The following RNF180 variants were observed in gnomAD, a reference collection of about 807,000 sequenced individuals.
RNF180 encodes E3 ubiquitin-protein ligase RNF180.
Under a neutral mutation model 59.2 loss-of-function variants are expected in RNF180, and 38 were observed. The observed-to-expected ratio is 0.64, with a 90% CI of 0.50 to 0.84. The LOEUF (loss-of-function observed/expected upper bound fraction) is 0.84, where lower values mean the gene tolerates loss of function less well. Among genes scored for constraint, RNF180 ranks in the 40% least tolerant of loss-of-function variants. The probability of loss-of-function intolerance (pLI) is 0.00; values close to 1 mark genes in which losing one functional copy is unlikely to be tolerated. For missense variants in RNF180, 705 were observed against 700.9 expected (o/e 1.01, Z -0.07); for synonymous variants, 262 against 240.3 (o/e 1.09, Z -0.84).
At chr5:64,353,994 T>G (rs1002254682) in intron 7 of RNF180, among the ~76,000 whole-genome samples, 3 of 151,550 alleles carry the variant, frequency 2.0e-5, no homozygotes, top group Non-Finnish European at 3.0e-5. Context: ...AAAGGGAATT[T>G]TATAGCAGTA....
intron 5 of RNF180, among the ~76,000 whole-genome samples, chr5:64,322,098 G>A (rs1413335591): frequency 1.3e-5 from 2 of 152,130 alleles, no homozygotes; most frequent in Non-Finnish European, 2.9e-5. Context: ...ATAGGCATGG[G>A]CAAAGATTTA....
intron 6 of RNF180, among the ~76,000 whole-genome samples, chr5:64,326,517 G>A (rs1254759438): frequency 6.6e-6 from 1 of 152,086 alleles, no homozygotes; most frequent in Non-Finnish European, 1.5e-5. Flanking sequence ...CCATCAGGCT[G>A]CATATTCAGC....
At chr5:64,347,033 C>T (rs1164645440) in intron 7 of RNF180, among the ~76,000 whole-genome samples, 2 of 152,054 alleles carry the variant, frequency 1.3e-5, no homozygotes, top group Non-Finnish European at 1.5e-5. Context: ...TGCCTTATAC[C>T]GAAATAAAGT....
intron 1 of RNF180, among the ~76,000 whole-genome samples, chr5:64,168,425 G>C (rs939400151): frequency 3.3e-5 from 5 of 152,176 alleles, no homozygotes; most frequent in African/African-American, 1.2e-4. Context: ...TACTACAAAG[G>C]GGACAGTGCT....
At chr5:64,271,749 G>A (rs1741411808) in intron 5 of RNF180, among the ~76,000 whole-genome samples, 2 of 145,908 alleles carry the variant, frequency 1.4e-5, no homozygotes, top group African/African-American at 5.2e-5. Context: ...GCTTTTCTAG[G>A]AATTTTAGTT....
chr5:64,358,176 A>G (rs1413203472), intron 7 of RNF180, among the ~76,000 whole-genome samples: 2 of 151,838 alleles, frequency 1.3e-5, no homozygotes, highest in Non-Finnish European at 2.9e-5. Context: ...TTGGAACCCA[A>G]CCTAAAACAC....
intron 5 of RNF180, among the ~76,000 whole-genome samples, chr5:64,269,859 T>C (rs914994495): frequency 2.6e-5 from 4 of 152,168 alleles, no homozygotes; most frequent in Admixed American, 6.5e-5. Flanking sequence ...TTTAAAACTT[T>C]AGTTCGGAAC....
At chr5:64,234,340 C>A (rs1357089756) in intron 5 of RNF180, among the ~76,000 whole-genome samples, 1 of 151,858 alleles carries the variant, frequency 6.6e-6, no homozygotes, top group Non-Finnish European at 1.5e-5. Flanking sequence ...GTGGCATGTG[C>A]CTGTAGTCCC....
chr5:64,192,577 C>T (rs983617885), intron 1 of RNF180, among the ~76,000 whole-genome samples: 5 of 151,958 alleles, frequency 3.3e-5, no homozygotes, highest in African/African-American at 1.2e-4. Context: ...GAGGCTGAGG[C>T]AGGAGAATCA....
chr5:64,359,531 A>G (rs1365843206), intron 7 of RNF180, among the ~76,000 whole-genome samples: 1 of 151,974 alleles, frequency 6.6e-6, no homozygotes, highest in Non-Finnish European at 1.5e-5. Flanking sequence ...GATTCTGGAT[A>G]TTAGCCCTTT....
chr5:64,254,039 A>G (rs1262142662), intron 5 of RNF180, among the ~76,000 whole-genome samples: 1 of 152,244 alleles, frequency 6.6e-6, no homozygotes, highest in East Asian at 1.9e-4. Context: ...TCACCTAAAC[A>G]TTTGGATATC....
At chr5:64,309,162 A>G (rs1049314936) in intron 5 of RNF180, among the ~76,000 whole-genome samples, 1 of 151,730 alleles carries the variant, frequency 6.6e-6, no homozygotes, top group Non-Finnish European at 1.5e-5. Flanking sequence ...AAGGAATGTA[A>G]AAGGCCTAAA....
chr5:64,355,457 GATTT>G (rs977773766), intron 7 of RNF180, among the ~76,000 whole-genome samples: 7 of 152,044 alleles, frequency 4.6e-5, no homozygotes, highest in African/African-American at 9.6e-5. Context: ...TGCATTAGAA[GATTT>G]AATACTGTTA....
intron 2 of RNF180, among the ~76,000 whole-genome samples, chr5:64,206,822 C>A (rs1752041140): frequency 6.6e-6 from 1 of 152,148 alleles, no homozygotes; most frequent in East Asian, 1.9e-4. Context: ...AAGCAGCCAC[C>A]TGCAGGCTAG....
Position 64,325,555 on chromosome 5 carries a change from C to T in RNF180, c.1453+144C>T, listed in dbSNP as rs554054196. The T allele has an allele frequency of 1.6e-5, 10 of 645,064 alleles. No individual in the cohort carries two copies. In the East Asian group the frequency reaches 2.5e-4, roughly 16 times the overall value. The allele number at this position is 645,064 out of a possible 1,614,324, so 40.0% of individuals were successfully genotyped here. ...AGTTTATAAAACAGTACTTACCCAA[C>T]TCATAAAACTGTTAGAATCATAGAT... On this transcript the variant is annotated intron_variant, in intron 6 of 7. Coordinates refer to ENST00000389100, the MANE Select transcript of RNF180 (RefSeq NM_001113561.2).
chr5:64,298,228 G>T (rs1742985675), intron 5 of RNF180, among the ~76,000 whole-genome samples: 1 of 151,958 alleles, frequency 6.6e-6, no homozygotes, highest in African/African-American at 2.4e-5. Flanking sequence ...AGTATTCCAT[G>T]GTGTAAATGT....
At chr5:64,256,982 CT>C (rs1490219134) in intron 5 of RNF180, among the ~76,000 whole-genome samples, 50 of 152,282 alleles carry the variant, frequency 3.3e-4, no homozygotes, top group African/African-American at 1.1e-3. Flanking sequence ...TGGGAGTTCA[CT>C]CCTGATTTGG....
intron 7 of RNF180, among the ~76,000 whole-genome samples, chr5:64,339,781 A>G (rs867862855): frequency 5.3e-5 from 8 of 152,154 alleles, no homozygotes; most frequent in Admixed American, 2.0e-4. Context: ...GCTTGAACTC[A>G]GGCATAAAAC....
chr5:64,321,198 G>T (rs188617496), intron 5 of RNF180, among the ~76,000 whole-genome samples: 2 of 152,098 alleles, frequency 1.3e-5, no homozygotes, highest in Admixed American at 1.3e-4. Flanking sequence ...AAAAAAGGGT[G>T]GGGGGTATGC....
Sources: allele counts gnomAD v4.1 joint callset (sites outside exome capture counted in the v4.1 genomes callset), GRCh38; gene constraint gnomAD v4.1.1; transcripts MANE v1.5; gene names NCBI Gene and HGNC (gene_info 2026-07-23, HGNC 2026-07-21).